Variants in FRMD3 observed in about 807,000 individuals in gnomAD.
The protein encoded by FRMD3 is FERM domain containing 3.
FRMD3 carries 33 observed loss-of-function variants against 70.2 expected under a neutral mutation model. The observed-to-expected ratio is 0.47, with a 90% CI of 0.36 to 0.63. The LOEUF is 0.63. FRMD3 is among the 20% of genes least tolerant of loss of function. The probability of loss-of-function intolerance (pLI) is 0.00; values close to 1 mark genes in which losing one functional copy is unlikely to be tolerated. For synonymous variants in FRMD3, 279 were observed against 255.9 expected (o/e 1.09, Z -0.86); for missense variants, 632 against 711.4 (o/e 0.89, Z 1.27).
chr9:83,508,979 G>A (rs1829271045), intron 1 of FRMD3, among the ~76,000 whole-genome samples: 1 of 151,888 alleles, frequency 6.6e-6, no homozygotes, highest in Non-Finnish European at 1.5e-5. Context: ...ATTTAAAACT[G>A]GAATCACCCC....
chr9:83,255,158 A>G (rs1454234611), intron 13 of FRMD3, among the ~76,000 whole-genome samples: 1 of 152,224 alleles, frequency 6.6e-6, no homozygotes, highest in Non-Finnish European at 1.5e-5. Context: ...TGAATCCAGC[A>G]GCATATCGAA....
chr9:83,543,767 T>C, the FRMD3 span, among the ~76,000 whole-genome samples: 1 of 152,162 alleles, frequency 6.6e-6, no homozygotes. Context: ...TCCTGAGAGC[T>C]CCCCACTTCT....
At chr9:83,573,580 TAGTCTCTCTGC>T in the FRMD3 span, among the ~76,000 whole-genome samples, 1 of 152,264 alleles carries the variant, frequency 6.6e-6, no homozygotes, top group South Asian at 2.1e-4. Context: ...TGAACACAAC[TAGTCTCTCTGC>T]CTCTCATCTC....
At chr9:83,467,582 C>A in intron 1 of FRMD3, 1 of 1,258,826 alleles carries the variant, frequency 7.9e-7, no homozygotes, top group Non-Finnish European at 1.1e-6. Flanking sequence ...TAAAAGCGTA[C>A]CTGAGTTGAT....
intron 6 of FRMD3, among the ~76,000 whole-genome samples, chr9:83,325,230 T>C (rs1835964949): frequency 6.6e-6 from 1 of 152,218 alleles, no homozygotes; most frequent in Admixed American, 6.5e-5. Flanking sequence ...ATTCCAGTGA[T>C]GGTTACGCTA....
rs539253978 is a variant in FRMD3 at position 83,309,950 on chromosome 9, G to C, written c.838-326C>G. ...CATATTTGCCATCCTTGAGGAACTA[G>C]TACTTGGGCTGAAAACTCATGACAA... On this transcript the variant is annotated intron_variant, in intron 9 of 13. Transcript: ENST00000304195. 4.6e-5 allele frequency among the ~76,000 whole-genome samples: 7 copies of C among 152,228 alleles called. No individual in the cohort carries two copies. The East Asian group carries it at 1.3e-3, about 29-fold the overall frequency.
At chr9:83,578,363 A>G in the FRMD3 span, among the ~76,000 whole-genome samples, 1 of 152,022 alleles carries the variant, frequency 6.6e-6, no homozygotes, top group Non-Finnish European at 1.5e-5. Context: ...AACGTCAGAC[A>G]AGGATAGTAC....
At chr9:83,469,802 T>C (rs1346262451) in intron 1 of FRMD3, among the ~76,000 whole-genome samples, 4 of 152,172 alleles carry the variant, frequency 2.6e-5, no homozygotes, top group Admixed American at 6.5e-5. Flanking sequence ...TAATTAAAAC[T>C]CATGCAGCCA....
the FRMD3 span, among the ~76,000 whole-genome samples, chr9:83,559,650 TCTATCA>T: frequency 2.0e-5 from 3 of 152,226 alleles, no homozygotes; most frequent in South Asian, 6.2e-4. Flanking sequence ...TCATTTAAAA[TCTATCA>T]CTATACGTGA....
the FRMD3 span, among the ~76,000 whole-genome samples, chr9:83,579,244 G>A: frequency 6.6e-6 from 1 of 151,354 alleles, no homozygotes; most frequent in African/African-American, 2.4e-5. Flanking sequence ...ACCCAAAATT[G>A]TCTATAGATT....
At chr9:83,567,838 A>G in the FRMD3 span, among the ~76,000 whole-genome samples, 1 of 152,148 alleles carries the variant, frequency 6.6e-6, no homozygotes, top group African/African-American at 2.4e-5. Context: ...CATTCAACAA[A>G]TCTCTAGGAG....
At chr9:83,368,671 A>G (rs1050507570) in intron 3 of FRMD3, among the ~76,000 whole-genome samples, 5 of 152,162 alleles carry the variant, frequency 3.3e-5, no homozygotes, top group Non-Finnish European at 5.9e-5. Flanking sequence ...CCCTATTTTC[A>G]ACAAGTTTTG....
intron 6 of FRMD3, among the ~76,000 whole-genome samples, chr9:83,315,050 A>ATGT (rs1366523470): frequency 6.6e-6 from 1 of 151,652 alleles, no homozygotes; most frequent in Non-Finnish European, 1.5e-5. Flanking sequence ...TGTCATTGAT[A>ATGT]TGTTTTTTTT....
intron 7 of FRMD3, 46 bp downstream of exon 7, chr9:83,313,614 G>T: frequency 6.8e-7 from 1 of 1,461,628 alleles, no homozygotes; most frequent in Non-Finnish European, 9.6e-7. Flanking sequence ...ACTCTCTTTT[G>T]GGCAAAACAA....
At chr9:83,475,814 C>T (rs1828382833) in intron 1 of FRMD3, among the ~76,000 whole-genome samples, 1 of 152,160 alleles carries the variant, frequency 6.6e-6, no homozygotes, top group Non-Finnish European at 1.5e-5. Flanking sequence ...CTACAAGCCT[C>T]ACTTAATAAA....
At chr9:83,316,161 C>CTTTTTTTTTTTTTT (rs34851421) in intron 6 of FRMD3, among the ~76,000 whole-genome samples, 16 of 112,596 alleles carry the variant, frequency 1.4e-4, no homozygotes, top group South Asian at 2.9e-4. Flanking sequence ...TTTTTTTTTT[C>CTTTTTTTTTTTTTT]TTTTTTTTTT....
intron 13 of FRMD3, among the ~76,000 whole-genome samples, chr9:83,257,622 A>G (rs1190723403): frequency 6.6e-6 from 1 of 151,898 alleles, no homozygotes; most frequent in Non-Finnish European, 1.5e-5. Context: ...CTAATTCTGT[A>G]TAAATTAATT....
intron 1 of FRMD3, among the ~76,000 whole-genome samples, chr9:83,416,628 T>G (rs1012607964): frequency 6.6e-6 from 1 of 152,194 alleles, no homozygotes; most frequent in Non-Finnish European, 1.5e-5. Context: ...TTTCTTTGAC[T>G]TCTCCATTGG....
chr9:83,416,538 T>A (rs1826446518), intron 1 of FRMD3, among the ~76,000 whole-genome samples: 1 of 152,220 alleles, frequency 6.6e-6, no homozygotes, highest in Non-Finnish European at 1.5e-5. Context: ...TCAGAAAATA[T>A]CCTTACAACT....
Sources: allele counts gnomAD v4.1 joint callset (sites outside exome capture counted in the v4.1 genomes callset), GRCh38; gene constraint gnomAD v4.1.1; transcripts MANE v1.5; gene names NCBI Gene and HGNC (gene_info 2026-07-23, HGNC 2026-07-21).